SEMA5B: variants seen among roughly 807,000 people sequenced by gnomAD.
SEMA5B encodes semaphorin 5B.
A neutral mutation model predicts 135.0 loss-of-function variants in SEMA5B; 66 were observed. That is an observed-to-expected ratio of 0.49 (90% CI 0.40 to 0.60). The LOEUF (loss-of-function observed/expected upper bound fraction) is 0.60, where lower values mean the gene tolerates loss of function less well. Ranked by LOEUF, SEMA5B falls within the 20% of genes least tolerant of loss-of-function variation. The pLI is 0.00. For synonymous variants in SEMA5B, 690 were observed against 639.5 expected (o/e 1.08, Z -1.19); for missense variants, 1,501 against 1,566.3 (o/e 0.96, Z 0.70).
chr3:122,926,818 C>T, intron 8 of SEMA5B, 141 bp from the exon 9 acceptor site: 1 of 883,090 alleles, frequency 1.1e-6, no homozygotes, highest in Non-Finnish European at 1.7e-6. Context: ...ACCTGGGGGC[C>T]CTAACTAACT....
intron 1 of SEMA5B, among the ~76,000 whole-genome samples, chr3:123,000,646 G>T (rs1942145435): frequency 6.6e-6 from 1 of 152,148 alleles, no homozygotes; most frequent in Non-Finnish European, 1.5e-5. Context: ...AGGCCAATAG[G>T]TGGCACAGCA....
intron 2 of SEMA5B, 84 bp downstream of exon 2, chr3:122,961,056 G>T: frequency 1.4e-6 from 2 of 1,399,656 alleles, no homozygotes; most frequent in Admixed American, 2.2e-5. Flanking sequence ...TGCTGATGAT[G>T]CCCCAGATGA....
At chr3:122,941,690 T>C (rs1440572221) in intron 4 of SEMA5B, among the ~76,000 whole-genome samples, 2 of 152,268 alleles carry the variant, frequency 1.3e-5, no homozygotes, top group Non-Finnish European at 2.9e-5. Context: ...TTCACAAGGT[T>C]CAGAGTAGAG....
intron 4 of SEMA5B, among the ~76,000 whole-genome samples, chr3:122,942,063 G>A (rs1939586859): frequency 6.6e-6 from 1 of 152,098 alleles, no homozygotes; most frequent in African/African-American, 2.4e-5. Context: ...TGAGGGGGTG[G>A]CCCTGCTTTT....
At chr3:122,948,761 T>G in intron 2 of SEMA5B, 52 bp from the exon 3 acceptor site, 287 of 1,280,314 alleles carry the variant, frequency 2.2e-4, no homozygotes, top group Non-Finnish European at 2.9e-4. Context: ...CTGGGCCCAC[T>G]TCCCTCAATT....
At chr3:122,927,677 A>T in intron 8 of SEMA5B, 113 bp downstream of exon 8, 1 of 708,938 alleles carries the variant, frequency 1.4e-6, no homozygotes, top group Non-Finnish European at 2.1e-6. Flanking sequence ...TTGATGAGGC[A>T]AGTGGGAGCA....
At chr3:122,921,801 G>A in intron 12 of SEMA5B, 114 bp downstream of exon 12, 1 of 785,138 alleles carries the variant, frequency 1.3e-6, no homozygotes, top group Non-Finnish European at 1.9e-6. Flanking sequence ...CTTGTCCTAA[G>A]GCACACTAGT....
At chr3:123,028,227 A>G (rs1036257972), upstream of SEMA5B, among the ~76,000 whole-genome samples, 2 of 152,190 alleles carry the variant, frequency 1.3e-5, no homozygotes, top group Admixed American at 1.3e-4. Context: ...TCAGTTCGGA[A>G]CGATCTTCCT....
intron 10 of SEMA5B, among the ~76,000 whole-genome samples, chr3:122,923,415 C>G (rs141702766): frequency 4.6e-5 from 7 of 152,176 alleles, no homozygotes; most frequent in African/African-American, 1.4e-4. Flanking sequence ...CATGCTTCCT[C>G]GCACTGCCCC....
chr3:122,939,539 T>C, intron 4 of SEMA5B, 69 bp from the exon 5 acceptor site: 2 of 1,286,464 alleles, frequency 1.6e-6, no homozygotes, highest in Non-Finnish European at 1.1e-6. Context: ...AGCAGCCTCC[T>C]GGCTTGGGCC....
In SEMA5B at chr3:122,913,029, T is replaced by A. The variant is rs1937833247; in HGVS notation, c.2539A>T (p.Thr847Ser). Reference sequence around the variant, plus strand: ...CCCCCGCTCACCGTGTGCGGGGAGGTGCTCCCGCTGCGCAGGAGGACCTCC... The same window carrying A: ...CCCCCGCTCACCGTGTGCGGGGAGGAGCTCCCGCTGCGCAGGAGGACCTCC... ...LVEVLLRSGS[T>S]SPHTVSGGWA... Residue 847 changes from threonine to serine, a missense_variant, in exon 18 of 23, where the codon ACC becomes TCC. Thr to Ser is a moderately conservative substitution (Grantham distance 58). This residue lies in a region of SEMA5B where 927 missense variants were observed against 881.6 expected (regional missense o/e 1.05). Coordinates refer to ENST00000357599, the MANE Select transcript of SEMA5B (RefSeq NM_001031702.4). The A allele has an allele frequency of 6.3e-7, 1 of 1,575,090 alleles. No individual in the cohort carries two copies.
chr3:123,013,901 T>A (rs998377535), intron 1 of SEMA5B, among the ~76,000 whole-genome samples: 2 of 152,190 alleles, frequency 1.3e-5, no homozygotes, highest in Admixed American at 1.3e-4. Context: ...CTTCTCTGGC[T>A]CATCCTACAG....
At chr3:122,972,373 T>C (rs890376189) in intron 1 of SEMA5B, among the ~76,000 whole-genome samples, 4 of 152,306 alleles carry the variant, frequency 2.6e-5, no homozygotes, top group Admixed American at 1.3e-4. Context: ...GCTGCCCATG[T>C]ATAAAGCATG....
At chr3:122,911,102 T>C (rs1282952066) in intron 21 of SEMA5B, 57 bp from the exon 22 acceptor site, 1 of 1,429,494 alleles carries the variant, frequency 7.0e-7, no homozygotes, top group African/African-American at 1.4e-5. Flanking sequence ...GACAGACTCC[T>C]GCCTGCCTCC....
chr3:122,913,779 G>T lies in SEMA5B; in HGVS notation c.2132+79C>A, dbSNP rs569820169. 166 of 1,567,460 alleles carry T rather than the reference G, an allele frequency of 1.1e-4. 1 individual carries two copies. On this transcript the variant is annotated intron_variant, in intron 15 of 22. Coordinates refer to ENST00000357599, the MANE Select transcript of SEMA5B (RefSeq NM_001031702.4). ...AGACCGGAAAGGACGAGAGTCCCCG[G>T]GATCACGAGGAGAATCCAGGCCACT...
intron 12 of SEMA5B, among the ~76,000 whole-genome samples, chr3:122,920,216 C>T (rs1341099161): frequency 6.6e-6 from 1 of 152,236 alleles, no homozygotes; most frequent in Non-Finnish European, 1.5e-5. Context: ...GGCCTCAATC[C>T]AGTTTCCAGT....
At chr3:122,991,733 TG>T (rs1941883055) in intron 1 of SEMA5B, among the ~76,000 whole-genome samples, 1 of 71,784 alleles carries the variant, frequency 1.4e-5, no homozygotes, top group African/African-American at 5.6e-5. Context: ...GTATATTGGG[TG>T]GGGGTGGGGG....
chr3:123,013,586 G>A (rs906575419), intron 1 of SEMA5B, among the ~76,000 whole-genome samples: 1 of 152,222 alleles, frequency 6.6e-6, no homozygotes. Context: ...CAAAGCAGGT[G>A]TTGAGACCCA....
At chr3:122,991,533 T>A (rs1017230248) in intron 1 of SEMA5B, among the ~76,000 whole-genome samples, 3 of 152,142 alleles carry the variant, frequency 2.0e-5, no homozygotes, top group African/African-American at 7.2e-5. Context: ...CATAGGACAG[T>A]CCCCTTCCGC....
Sources: gnomAD v4.1 joint callset for allele counts (sites outside exome capture counted in the v4.1 genomes callset) on GRCh38, gnomAD v4.1.1 for gene constraint, gnomAD v4.1.1 regional missense constraint, MANE v1.5 for transcripts, NCBI Gene and HGNC (gene_info 2026-07-23, HGNC 2026-07-21) for gene names.